The following SLC60A1 variants were observed in gnomAD, a reference collection of about 807,000 sequenced individuals.
The protein encoded by SLC60A1 is major facilitator superfamily domain containing 4.
the SLC60A1 span, chr1:205,599,320 G>A: frequency 6.3e-7 from 1 of 1,581,402 alleles, no homozygotes; most frequent in Non-Finnish European, 8.6e-7. Flanking sequence ...GGGGGAGCAG[G>A]AGATGCTATG....
chr1:205,600,467 G>C, the SLC60A1 span: 2 of 1,613,922 alleles, frequency 1.2e-6, no homozygotes, highest in East Asian at 2.2e-5. Flanking sequence ...GGTAAAACTG[G>C]GTGAAGAAGG....
the SLC60A1 span, among the ~76,000 whole-genome samples, chr1:205,572,845 G>T: frequency 6.6e-6 from 1 of 152,234 alleles, no homozygotes; most frequent in Non-Finnish European, 1.5e-5. Flanking sequence ...GATCCCCAAA[G>T]AATTGAAAAT....
At chr1:205,569,765 G>A in the SLC60A1 span, among the ~76,000 whole-genome samples, 1 of 152,086 alleles carries the variant, frequency 6.6e-6, no homozygotes, top group Non-Finnish European at 1.5e-5. Context: ...GCTCTGTGGC[G>A]GTGCAGGGTG....
chr1:205,585,123 A>T, the SLC60A1 span: 1 of 704,218 alleles, frequency 1.4e-6, no homozygotes, highest in Non-Finnish European at 2.4e-6. The surrounding 1 kb of genome is among the most constrained non-coding windows in gnomAD (Gnocchi z 4.2). Context: ...TTGATTCAAA[A>T]ATTTAATCTG....
At chr1:205,569,182 C>G in the SLC60A1 span, 1 of 1,544,940 alleles carries the variant, frequency 6.5e-7, no homozygotes, top group African/African-American at 1.4e-5. Context: ...CTGGGGCCCA[C>G]GCTGCTGGAC....
the SLC60A1 span, among the ~76,000 whole-genome samples, chr1:205,592,446 A>G: frequency 6.6e-6 from 1 of 151,174 alleles, no homozygotes; most frequent in Non-Finnish European, 1.5e-5. Flanking sequence ...GGTTTGTTAC[A>G]TATGTATACA....
chr1:205,601,798 T>C, the SLC60A1 span: 3 of 152,326 alleles, frequency 2.0e-5, no homozygotes, highest in African/African-American at 7.2e-5. Context: ...TTAGCCAGGA[T>C]GGTCTTGATC....
the SLC60A1 span, among the ~76,000 whole-genome samples, chr1:205,582,247 G>A: frequency 2.0e-5 from 3 of 152,328 alleles, no homozygotes; most frequent in South Asian, 2.1e-4. Flanking sequence ...CGGAAGGTCC[G>A]GCTTAAGCCC....
chr1:205,587,170 C>G, the SLC60A1 span, among the ~76,000 whole-genome samples: 1 of 152,182 alleles, frequency 6.6e-6, no homozygotes, highest in Non-Finnish European at 1.5e-5. Context: ...GCCAAATTGT[C>G]TAGTCCAACC....
the SLC60A1 span, among the ~76,000 whole-genome samples, chr1:205,571,672 G>A: frequency 6.6e-6 from 1 of 152,188 alleles, no homozygotes; most frequent in Admixed American, 6.5e-5. Flanking sequence ...CCACCTTGCT[G>A]ACTCTGGGCA....
chr1:205,599,383 G>A, the SLC60A1 span: 1 of 1,173,742 alleles, frequency 8.5e-7, no homozygotes, highest in African/African-American at 1.6e-5. Context: ...GCAAGGAAAT[G>A]TTTATTTTTC....
chr1:205,602,140 T>C, the SLC60A1 span: 1 of 152,236 alleles, frequency 6.6e-6, no homozygotes. Flanking sequence ...AACTGTATAA[T>C]GGTTTTGCCT....
the SLC60A1 span, chr1:205,602,665 A>G: frequency 0.23 from 35,315 of 152,312 alleles, 4,873 homozygotes; most frequent in East Asian, 0.61. Context: ...TTTTAATTAT[A>G]TTTGTAAATA....
the SLC60A1 span, chr1:205,584,218 A>ATTTTT: frequency 2.3e-4 from 186 of 793,840 alleles, 1 homozygote; most frequent in African/African-American, 1.1e-3. Context: ...ATCACAGGTG[A>ATTTTT]TTTTTTTTTT....
At chr1:205,597,714 G>A in the SLC60A1 span, 5 of 1,564,556 alleles carry the variant, frequency 3.2e-6, no homozygotes, top group Non-Finnish European at 4.4e-6. Context: ...CAGCAACCTG[G>A]ATTGTAATGC....
At chr1:205,591,930 CTCCTT>C in the SLC60A1 span, 1 of 582,080 alleles carries the variant, frequency 1.7e-6, no homozygotes, top group Non-Finnish European at 3.0e-6. Context: ...AGGCGGGGGT[CTCCTT>C]TCCACGCTTC....
the SLC60A1 span, chr1:205,579,865 G>A: frequency 1.7e-5 from 28 of 1,614,132 alleles, no homozygotes; most frequent in Middle Eastern, 1.6e-4. Flanking sequence ...TGGCGCTGGC[G>A]GGCTTGGCCA....
chr1:205,595,843 G>T, the SLC60A1 span, among the ~76,000 whole-genome samples: 1 of 152,208 alleles, frequency 6.6e-6, no homozygotes, highest in African/African-American at 2.4e-5. Context: ...GAACCCAGTG[G>T]TCCTCAGTTT....
the SLC60A1 span, chr1:205,580,852 AG>A: frequency 1.2e-6 from 2 of 1,614,126 alleles, no homozygotes; most frequent in Non-Finnish European, 1.7e-6. This position sits in a 1 kb window ranked among gnomAD's most constrained non-coding sequence, Gnocchi z 5.0. Flanking sequence ...AGACGTTCCC[AG>A]GGCTGACTCC....
Sources: allele counts gnomAD v4.1 joint callset (sites outside exome capture counted in the v4.1 genomes callset), GRCh38; gene constraint gnomAD v4.1.1; non-coding constraint Gnocchi (gnomAD v3.1); transcripts MANE v1.5; gene names NCBI Gene and HGNC (gene_info 2026-07-23, HGNC 2026-07-21).